Variants in NLGN1 observed in about 807,000 individuals in gnomAD.
The protein encoded by NLGN1 is neuroligin 1, also known as neuroligin-1.
In NLGN1, 12 loss-of-function variants were observed where a neutral mutation model predicts 65.5. The ratio of observed to expected loss-of-function variants is 0.18; its 90% CI spans 0.12 to 0.30. The LOEUF is 0.30. Ranked by LOEUF, NLGN1 falls within the 10% of genes least tolerant of loss-of-function variation. The pLI is 1.00. For missense variants in NLGN1, 750 were observed against 1,007.1 expected (o/e 0.74, Z 3.46); for synonymous variants, 350 against 359.5 (o/e 0.97, Z 0.30).
At chr3:174,211,889 C>T (rs972135670) in intron 4 of NLGN1, among the ~76,000 whole-genome samples, 7 of 152,076 alleles carry the variant, frequency 4.6e-5, no homozygotes, top group Admixed American at 4.6e-4. Context: ...CCACCAGACT[C>T]AGGAGCCCAG....
At chr3:174,260,254 C>T (rs939271927) in intron 4 of NLGN1, among the ~76,000 whole-genome samples, 3 of 149,552 alleles carry the variant, frequency 2.0e-5, no homozygotes, top group East Asian at 2.0e-4. Flanking sequence ...CCTGAGGAAT[C>T]GCCACACTGA....
At chr3:174,073,171 G>A (rs1046442387) in intron 4 of NLGN1, among the ~76,000 whole-genome samples, 1 of 151,470 alleles carries the variant, frequency 6.6e-6, no homozygotes, top group Non-Finnish European at 1.5e-5. Context: ...GATACAGTGA[G>A]TTCAAGAAAA....
chr3:174,268,906 T>C (rs1389732065), intron 4 of NLGN1, among the ~76,000 whole-genome samples: 2 of 151,710 alleles, frequency 1.3e-5, no homozygotes, highest in African/African-American at 4.8e-5. Context: ...CATAAAATTT[T>C]GGAAATACCA....
chr3:173,589,291 A>G (rs1333976768), intron 2 of NLGN1, among the ~76,000 whole-genome samples: 4 of 152,196 alleles, frequency 2.6e-5, no homozygotes, highest in Non-Finnish European at 4.4e-5. Context: ...CAGGCCACAC[A>G]GTAGCTTTTT....
In NLGN1 at chr3:174,257,201, A is replaced by G. The variant is rs191393294; in HGVS notation, c.647-18114A>G. Among the ~76,000 whole-genome samples, 8 of 152,322 alleles carry G rather than the reference A, an allele frequency of 5.3e-5. No homozygotes were observed. The East Asian group carries it at 1.4e-3, about 26-fold the overall frequency. On this transcript the variant is annotated intron_variant, in intron 4 of 6. Coordinates refer to ENST00000457714, the Ensembl canonical transcript of NLGN1. ...TAGAGAAATGCAAATCAAAATCGCA[A>G]TGAGATACCATCTCACATCAGTCAG... is the stretch of plus-strand genomic sequence containing the variant.
chr3:174,233,239 T>G (rs1324391661), intron 4 of NLGN1, among the ~76,000 whole-genome samples: 1 of 152,094 alleles, frequency 6.6e-6, no homozygotes, highest in African/African-American at 2.4e-5. Context: ...CCCAGCACTT[T>G]GGGAGCCTGA....
rs565973526 is a variant in NLGN1, at chr3:173,543,286, G to T, written c.-320-60993G>T. ...TTGTCTATTAGCATAGCACTTAACA[G>T]TGTTCTGTAAAAATAGCAAAAATGG... On this transcript the variant is annotated intron_variant, in intron 2 of 6. Coordinates refer to ENST00000457714, the Ensembl canonical transcript of NLGN1. Among the ~76,000 whole-genome samples, 6 of 152,220 alleles carry T rather than the reference G, an allele frequency of 3.9e-5. No individual in the cohort carries two copies. The South Asian group carries it at 8.3e-4, about 21-fold the overall frequency.
chr3:173,601,449 T>C (rs548493382), intron 2 of NLGN1, among the ~76,000 whole-genome samples: 7 of 152,182 alleles, frequency 4.6e-5, no homozygotes, highest in Non-Finnish European at 1.0e-4. Context: ...TATGTATTTA[T>C]GTATTTGAGA....
intron 4 of NLGN1, among the ~76,000 whole-genome samples, chr3:174,053,581 G>A (rs566761879): frequency 6.6e-6 from 1 of 152,096 alleles, no homozygotes; most frequent in East Asian, 1.9e-4. Flanking sequence ...GAAAAGAGCA[G>A]TAAGTAATGG....
intron 1 of NLGN1, among the ~76,000 whole-genome samples, chr3:173,432,621 A>G (rs975308707): frequency 2.0e-5 from 3 of 152,048 alleles, no homozygotes; most frequent in Admixed American, 1.3e-4. Flanking sequence ...TATATTTTGG[A>G]TGAATCTTTT....
intron 3 of NLGN1, among the ~76,000 whole-genome samples, chr3:173,750,377 A>G (rs1776155006): frequency 6.6e-6 from 1 of 152,068 alleles, no homozygotes; most frequent in South Asian, 2.1e-4. Context: ...AAAGTCAGAT[A>G]ATGAAGTTTC....
chr3:173,585,332 G>T (rs1183074649), intron 2 of NLGN1, among the ~76,000 whole-genome samples: 1 of 152,146 alleles, frequency 6.6e-6, no homozygotes, highest in Non-Finnish European at 1.5e-5. Flanking sequence ...TTAAGGAGAG[G>T]AGGCAGCGGT....
In NLGN1 at chr3:174,231,421, A is replaced by T. The variant is rs1740681238; in HGVS notation, c.647-43894A>T. Among the ~76,000 whole-genome samples the T allele has an allele frequency of 2.0e-5, 3 of 152,312 alleles. No homozygotes were observed. In the South Asian group the frequency reaches 6.2e-4, roughly 32 times the overall value. ...GGACTTCTTTGAATGCAGTTTGAAC[A>T]TTCAGCAGTCTATGAGTGGTTAATG... On this transcript the variant is annotated intron_variant, in intron 4 of 6. Coordinates refer to ENST00000457714, the Ensembl canonical transcript of NLGN1.
At chr3:173,702,405 G>A (rs896271852) in intron 3 of NLGN1, among the ~76,000 whole-genome samples, 1 of 108,296 alleles carries the variant, frequency 9.2e-6, no homozygotes, top group African/African-American at 4.7e-5. Flanking sequence ...ATGAGACATG[G>A]CCCTTGCTCA....
intron 4 of NLGN1, among the ~76,000 whole-genome samples, chr3:174,033,671 A>G (rs1730515752): frequency 6.6e-6 from 1 of 152,222 alleles, no homozygotes; most frequent in South Asian, 2.1e-4. Flanking sequence ...GTTGAAGAAT[A>G]TCTTTGATGG....
intron 4 of NLGN1, among the ~76,000 whole-genome samples, chr3:174,056,468 T>A (rs1010947809): frequency 2.6e-5 from 4 of 152,156 alleles, no homozygotes; most frequent in Admixed American, 2.6e-4. Context: ...GACCTATTTG[T>A]TACTTTTTTC....
At chr3:174,048,577 A>G (rs929413855) in intron 4 of NLGN1, among the ~76,000 whole-genome samples, 59 of 152,016 alleles carry the variant, frequency 3.9e-4, no homozygotes, top group Admixed American at 1.3e-3. Context: ...GATTAGAGAT[A>G]TGAAAAAAAA....
At position 173,888,046 on chromosome 3, in the gene NLGN1, A is replaced by G. The variant is rs1734684092; in HGVS notation, c.646+80214A>G. Among the ~76,000 whole-genome samples, 4 of 152,194 alleles carry G rather than the reference A, an allele frequency of 2.6e-5. No individual in the cohort carries two copies. The South Asian group carries it at 8.3e-4, about 32-fold the overall frequency. On this transcript the variant is annotated intron_variant, in intron 4 of 6. Transcript: ENST00000457714. The stretch of plus-strand genomic sequence containing the variant: ...ACCAATAGGAAATGCCTGTAGTGAC[A>G]GTGAAACATGGTGTATATGAATCAC...
At chr3:173,636,159 G>T (rs927785679) in intron 3 of NLGN1, among the ~76,000 whole-genome samples, 2 of 152,050 alleles carry the variant, frequency 1.3e-5, no homozygotes, top group South Asian at 2.1e-4. Flanking sequence ...AATGTAATTA[G>T]TTGGCGAAAG....
Sources: allele counts gnomAD v4.1 joint callset (sites outside exome capture counted in the v4.1 genomes callset), GRCh38; gene constraint gnomAD v4.1.1; transcripts MANE v1.5; gene names NCBI Gene and HGNC (gene_info 2026-07-23, HGNC 2026-07-21).